Variants in PPP1R14C observed in about 807,000 individuals in gnomAD.
PPP1R14C encodes protein phosphatase 1 regulatory subunit 14C.
Under a neutral mutation model 20.4 loss-of-function variants are expected in PPP1R14C, and 16 were observed. The ratio of observed to expected loss-of-function variants is 0.78; its 90% confidence interval spans 0.53 to 1.19. The LOEUF (loss-of-function observed/expected upper bound fraction) is 1.19. Ranked by LOEUF, PPP1R14C falls within the 50% of genes most tolerant of loss-of-function variation. PPP1R14C has a pLI of 0.00. For missense variants in PPP1R14C, 211 were observed against 220.1 expected (o/e 0.96, Z 0.26); for synonymous variants, 91 against 91.0 (o/e 1.00, Z 0.00).
chr6:150,181,323 C>T (rs147153983), intron 1 of PPP1R14C, among the ~76,000 whole-genome samples: 1,985 of 152,218 alleles, frequency 0.013, 44 homozygotes, highest in African/African-American at 0.045. Context: ...TACAGGCACA[C>T]ACCACCACAC....
chr6:150,196,404 AAGTAGT>A (rs1321150883), intron 1 of PPP1R14C, among the ~76,000 whole-genome samples: 2 of 152,012 alleles, frequency 1.3e-5, no homozygotes, highest in African/African-American at 2.4e-5. Flanking sequence ...TATTTAGCAG[AAGTAGT>A]AGCAAGGCAT....
chr6:150,183,087 A>C (rs1475365088), intron 1 of PPP1R14C, among the ~76,000 whole-genome samples: 1 of 152,194 alleles, frequency 6.6e-6, no homozygotes, highest in Non-Finnish European at 1.5e-5. Context: ...GAAATCCATA[A>C]ATATCCACTT....
At chr6:150,187,245 C>CTGTGTGTG (rs1196704443) in intron 1 of PPP1R14C, among the ~76,000 whole-genome samples, 5 of 110,856 alleles carry the variant, frequency 4.5e-5, no homozygotes, top group African/African-American at 1.6e-4. Flanking sequence ...CTTTCTCTTT[C>CTGTGTGTG]TCTGTGTGTG....
chr6:150,148,095 A>C (rs1777199723), intron 1 of PPP1R14C, among the ~76,000 whole-genome samples: 1 of 152,230 alleles, frequency 6.6e-6, no homozygotes, highest in Non-Finnish European at 1.5e-5. Flanking sequence ...TTATTTTTCT[A>C]AATTTGTTTC....
intron 1 of PPP1R14C, among the ~76,000 whole-genome samples, chr6:150,147,958 CAG>C (rs563170904): frequency 6.7e-4 from 102 of 152,280 alleles, no homozygotes; most frequent in African/African-American, 2.2e-3. Context: ...TACAGAGAAA[CAG>C]AGAGTCATAG....
intron 1 of PPP1R14C, among the ~76,000 whole-genome samples, chr6:150,192,765 G>C (rs906339264): frequency 5.9e-5 from 9 of 152,334 alleles, no homozygotes; most frequent in Admixed American, 5.2e-4. Flanking sequence ...GATGGTGGCT[G>C]GGTCTGGAAT....
intron 2 of PPP1R14C, among the ~76,000 whole-genome samples, chr6:150,216,238 G>A (rs1357601013): frequency 6.6e-6 from 1 of 152,232 alleles, no homozygotes; most frequent in East Asian, 1.9e-4. Context: ...GCTCACGCCT[G>A]TAATCCCAGT....
At chr6:150,215,114 T>C (rs1396255481) in intron 2 of PPP1R14C, among the ~76,000 whole-genome samples, 4 of 152,186 alleles carry the variant, frequency 2.6e-5, no homozygotes, top group Non-Finnish European at 5.9e-5. Flanking sequence ...CTTCCAAAGA[T>C]CCACTTGCCA....
intron 1 of PPP1R14C, among the ~76,000 whole-genome samples, chr6:150,145,401 C>T (rs762668105): frequency 6.6e-6 from 1 of 152,274 alleles, no homozygotes; most frequent in Middle Eastern, 3.4e-3. Flanking sequence ...ATGTCATTAA[C>T]GTGGCAAGTA....
intron 1 of PPP1R14C, among the ~76,000 whole-genome samples, chr6:150,213,346 AACACACACACAC>A (rs3049230): frequency 1.9e-4 from 28 of 149,412 alleles, no homozygotes; most frequent in African/African-American, 4.4e-4. Flanking sequence ...TTTGTGTTGT[AACACACACACAC>A]ACACACACAC....
intron 3 of PPP1R14C, among the ~76,000 whole-genome samples, chr6:150,226,959 C>A (rs921894600): frequency 2.0e-5 from 3 of 152,106 alleles, no homozygotes; most frequent in Non-Finnish European, 2.9e-5. Context: ...AAAAGGCAGG[C>A]CTGCTCTGCT....
chr6:150,204,047 G>A (rs541834760), intron 1 of PPP1R14C, among the ~76,000 whole-genome samples: 1 of 152,208 alleles, frequency 6.6e-6, no homozygotes, highest in Non-Finnish European at 1.5e-5. Flanking sequence ...GGATCTTCAT[G>A]TAGGTGCTGC....
chr6:150,166,684 A>G (rs1178659752), intron 1 of PPP1R14C, among the ~76,000 whole-genome samples: 2 of 152,158 alleles, frequency 1.3e-5, no homozygotes, highest in African/African-American at 4.8e-5. Context: ...GGCCACTGGG[A>G]GAGGCAGCCT....
chr6:150,160,924 A>G (rs1205636344), intron 1 of PPP1R14C, among the ~76,000 whole-genome samples: 1 of 152,076 alleles, frequency 6.6e-6, no homozygotes, highest in East Asian at 1.9e-4. Context: ...TTCCTGCCCC[A>G]GATTCAGAGT....
chr6:150,186,111 TG>T (rs974107209), intron 1 of PPP1R14C, among the ~76,000 whole-genome samples: 1 of 152,078 alleles, frequency 6.6e-6, no homozygotes, highest in African/African-American at 2.4e-5. Flanking sequence ...ATAAATGGAG[TG>T]GGGCCCCACT....
intron 3 of PPP1R14C, among the ~76,000 whole-genome samples, chr6:150,243,325 GCCA>G (rs1778454359): frequency 1.3e-5 from 2 of 152,010 alleles, no homozygotes; most frequent in Non-Finnish European, 2.9e-5. Context: ...ACAGGCACCT[GCCA>G]CCATGCCTGG....
chr6:150,161,571 A>G (rs1263778143), intron 1 of PPP1R14C, among the ~76,000 whole-genome samples: 1 of 152,238 alleles, frequency 6.6e-6, no homozygotes, highest in Admixed American at 6.5e-5. Context: ...TCCAACAGAG[A>G]CAAACCTGTG....
chr6:150,162,200 G>A lies in PPP1R14C; in HGVS notation c.306+18702G>A, dbSNP rs146156996. On this transcript the variant is annotated intron_variant, in intron 1 of 3. Coordinates refer to ENST00000361131, the MANE Select transcript of PPP1R14C (RefSeq NM_030949.3). ...CTCCCGAGCAGCTGGGACTACAGGC[G>A]TGCGCCTCAACATCCAGCTAATTTT... Among the ~76,000 whole-genome samples, 10 of 152,172 alleles carry A rather than the reference G, an allele frequency of 6.6e-5. No individual in the cohort carries two copies. In the South Asian group the frequency reaches 1.0e-3, roughly 16 times the overall value.
intron 1 of PPP1R14C, among the ~76,000 whole-genome samples, chr6:150,171,876 G>T (rs61220958): frequency 0.096 from 14,613 of 152,034 alleles, 868 homozygotes; most frequent in African/African-American, 0.15. Context: ...TGCGGTCTTG[G>T]CTCACCGCAA....
Sources: gnomAD v4.1 joint callset for allele counts (sites outside exome capture counted in the v4.1 genomes callset) on GRCh38, gnomAD v4.1.1 for gene constraint, MANE v1.5 for transcripts, NCBI Gene and HGNC (gene_info 2026-07-23, HGNC 2026-07-21) for gene names.